FOXN3: variants seen among roughly 807,000 people sequenced by gnomAD.
FOXN3 encodes forkhead box protein N3.
In FOXN3, 7 loss-of-function variants were observed where a neutral mutation model predicts 38.4. The observed-to-expected ratio is 0.18, with a 90% CI of 0.10 to 0.34. The LOEUF (loss-of-function observed/expected upper bound fraction) is 0.34. Among genes scored for constraint, FOXN3 ranks in the 10% least tolerant of loss-of-function variants. The pLI, the probability that FOXN3 is intolerant of heterozygous loss-of-function variation, is 1.00. For synonymous variants in FOXN3, 230 were observed against 242.2 expected (o/e 0.95, Z 0.47); for missense variants, 456 against 613.4 (o/e 0.74, Z 2.71).
At chr14:89,438,296 A>C (rs1892311690) in intron 1 of FOXN3, among the ~76,000 whole-genome samples, 1 of 152,258 alleles carries the variant, frequency 6.6e-6, no homozygotes, top group Admixed American at 6.5e-5. Context: ...TCAGTAAATA[A>C]GATGAGTCAT....
At chr14:89,505,705 G>C (rs1294531530) in intron 1 of FOXN3, among the ~76,000 whole-genome samples, 1 of 152,044 alleles carries the variant, frequency 6.6e-6, no homozygotes, top group Admixed American at 6.5e-5. Flanking sequence ...ACCCCGTCTG[G>C]GAAGTGAGGA....
chr14:89,165,256 G>A (rs114078383), intron 5 of FOXN3, among the ~76,000 whole-genome samples: 1 of 152,132 alleles, frequency 6.6e-6, no homozygotes, highest in Admixed American at 6.5e-5. Flanking sequence ...GTTGCTTACT[G>A]GTGACTTTGA....
intron 1 of FOXN3, among the ~76,000 whole-genome samples, chr14:89,465,270 G>A (rs1352874650): frequency 2.0e-5 from 3 of 151,984 alleles, no homozygotes; most frequent in Non-Finnish European, 4.4e-5. Flanking sequence ...TTGCTCTGTT[G>A]CCAGGCTGGA....
chr14:89,610,255 G>A (rs929187150), intron 1 of FOXN3, among the ~76,000 whole-genome samples: 2 of 152,130 alleles, frequency 1.3e-5, no homozygotes, highest in African/African-American at 4.8e-5. Context: ...TGCTACCAAC[G>A]GCATCAAGAA....
chr14:89,458,303 G>C (rs550586583), intron 1 of FOXN3, among the ~76,000 whole-genome samples: 1 of 152,316 alleles, frequency 6.6e-6, no homozygotes, highest in African/African-American at 2.4e-5. Context: ...GGGCCTTGCA[G>C]GCTCGGCTCC....
intron 2 of FOXN3, chr14:89,409,456 C>T (rs1262019659): frequency 6.6e-6 from 1 of 152,196 alleles, no homozygotes; most frequent in Non-Finnish European, 1.5e-5. Context: ...ATAATGTTCC[C>T]AAGTCTCGCT....
chr14:89,426,328 G>C (rs1384824326), intron 1 of FOXN3, among the ~76,000 whole-genome samples: 1 of 146,456 alleles, frequency 6.8e-6, no homozygotes, highest in East Asian at 2.1e-4. Context: ...AGGTTCAAGT[G>C]ATTATCCCTG....
In FOXN3 at chr14:89,231,182, C is replaced by T. The variant is rs1884797223; in HGVS notation, c.745+49768G>A. The stretch of plus-strand genomic sequence containing the variant: ...TTTTTATTTTCCTTATCCCAAACTG[C>T]TCTTTTAAAATATACTCTTTTCTTT... On this transcript the variant is annotated intron_variant, in intron 4 of 5. Coordinates refer to ENST00000557258, the MANE Select transcript of FOXN3 (RefSeq NM_005197.4). 2.0e-5 allele frequency among the ~76,000 whole-genome samples: 3 copies of T among 151,948 alleles called. No homozygotes were observed. In the South Asian group the frequency reaches 6.2e-4, roughly 32 times the overall value.
At chr14:89,174,185 C>T (rs1887460524) in intron 5 of FOXN3, among the ~76,000 whole-genome samples, 1 of 152,142 alleles carries the variant, frequency 6.6e-6, no homozygotes, top group Non-Finnish European at 1.5e-5. Context: ...ACTGATTTAA[C>T]TTGTTAATTT....
intron 1 of FOXN3, among the ~76,000 whole-genome samples, chr14:89,443,364 G>A (rs372347978): frequency 7.2e-5 from 11 of 152,164 alleles, no homozygotes; most frequent in African/African-American, 2.7e-4. Flanking sequence ...TGTTTATGGA[G>A]CCCCTGGGAC....
chr14:89,238,540 G>A (rs1283952522), intron 4 of FOXN3, among the ~76,000 whole-genome samples: 3 of 152,140 alleles, frequency 2.0e-5, no homozygotes, highest in Non-Finnish European at 4.4e-5. Flanking sequence ...GGCAGCCTAC[G>A]GGACACACAC....
intron 4 of FOXN3, among the ~76,000 whole-genome samples, chr14:89,224,923 G>T (rs965798111): frequency 6.6e-6 from 1 of 151,944 alleles, no homozygotes; most frequent in African/African-American, 2.4e-5. Flanking sequence ...GAGGTCAGGA[G>T]ATCGAGACCA....
intron 4 of FOXN3, among the ~76,000 whole-genome samples, chr14:89,195,321 A>G (rs903849532): frequency 1.3e-5 from 2 of 151,452 alleles, no homozygotes; most frequent in Admixed American, 6.6e-5. Flanking sequence ...CCCACTCTCT[A>G]CCTTAGGTGA....
intron 4 of FOXN3, among the ~76,000 whole-genome samples, chr14:89,252,466 C>G (rs569444587): frequency 5.9e-5 from 9 of 152,168 alleles, no homozygotes; most frequent in Admixed American, 4.6e-4. Context: ...ACCAGCCTGA[C>G]CAACATGGTG....
intron 1 of FOXN3, among the ~76,000 whole-genome samples, chr14:89,499,031 A>T (rs1016504376): frequency 6.6e-6 from 1 of 152,192 alleles, no homozygotes; most frequent in African/African-American, 2.4e-5. Flanking sequence ...ATAGAGAGGC[A>T]ATCTCAGAAG....
At chr14:89,258,248 T>C (rs770452408) in intron 4 of FOXN3, among the ~76,000 whole-genome samples, 4 of 152,152 alleles carry the variant, frequency 2.6e-5, no homozygotes, top group Non-Finnish European at 5.9e-5. Flanking sequence ...TCACCAACAA[T>C]GGACAACAGT....
chr14:89,404,850 A>G (rs2140091095), intron 2 of FOXN3, among the ~76,000 whole-genome samples: 1 of 152,268 alleles, frequency 6.6e-6, no homozygotes, highest in South Asian at 2.1e-4. Context: ...CACACATTAC[A>G]AAATTACATG....
chr14:89,564,883 AGG>A (rs1895320023), intron 1 of FOXN3, among the ~76,000 whole-genome samples: 1 of 152,056 alleles, frequency 6.6e-6, no homozygotes, highest in African/African-American at 2.4e-5. Flanking sequence ...ACCCAAGGTC[AGG>A]AGTTCGAGAC....
Position 89,412,520 on chromosome 14 carries a change from G to C in FOXN3, c.-14-30C>G. 1 of 1,543,316 alleles carries C rather than the reference G, an allele frequency of 6.5e-7. No homozygotes were observed. Among genetic ancestry groups the C allele is most frequent in the Non-Finnish European group, 8.8e-7 (1 of 1,141,954 alleles). ...TAAAGACATCACAAAGAAATGATGAGCTGGCGAGGCCCAAAACAGAAAGGC... is the reference window on the plus strand; with the variant it reads ...TAAAGACATCACAAAGAAATGATGACCTGGCGAGGCCCAAAACAGAAAGGC... On this transcript the variant is annotated intron_variant, in intron 1 of 5. Coordinates refer to ENST00000557258, the MANE Select transcript of FOXN3 (RefSeq NM_005197.4). This position sits in a 1 kb window ranked among gnomAD's most constrained non-coding sequence, Gnocchi z 4.7.
Sources: allele counts gnomAD v4.1 joint callset (sites outside exome capture counted in the v4.1 genomes callset), GRCh38; gene constraint gnomAD v4.1.1; non-coding constraint Gnocchi (gnomAD v3.1); transcripts MANE v1.5; gene names NCBI Gene and HGNC (gene_info 2026-07-23, HGNC 2026-07-21).